Variants in RANBP2 observed in about 807,000 individuals in gnomAD.
RANBP2 encodes RAN binding protein 2.
RANBP2 carries 57 observed loss-of-function variants against 303.6 expected under a neutral mutation model. The ratio of observed to expected loss-of-function variants is 0.19; its 90% CI spans 0.15 to 0.23. The LOEUF (loss-of-function observed/expected upper bound fraction) is 0.23. RANBP2 is among the 10% of genes least tolerant of loss of function. The pLI is 1.00. For missense variants in RANBP2, 3,138 were observed against 3,780.8 expected, an observed-to-expected ratio of 0.83 and a Z score of 4.46; for synonymous variants, 1,167 against 1,301.5, an observed-to-expected ratio of 0.90 and a Z score of 2.23.
At chr2:108,749,315 A>C (rs1393809199) in intron 9 of RANBP2, among the ~76,000 whole-genome samples, 186 bp downstream of exon 9, 1 of 152,002 alleles carries the variant, frequency 6.6e-6, no homozygotes, top group East Asian at 1.9e-4. Flanking sequence ...TGTTGTTTTT[A>C]AGACCAAGTT....
the RANBP2 span, among the ~76,000 whole-genome samples, chr2:109,171,053 G>A: frequency 6.6e-6 from 1 of 152,110 alleles, no homozygotes; most frequent in Non-Finnish European, 1.5e-5. Context: ...TCTGTGTCCT[G>A]GTTTGGTTCA....
the RANBP2 span, among the ~76,000 whole-genome samples, chr2:109,280,847 G>A: frequency 6.6e-6 from 1 of 152,158 alleles, no homozygotes; most frequent in African/African-American, 2.4e-5. Context: ...TTTTATGTCC[G>A]TTGCACATTA....
the RANBP2 span, among the ~76,000 whole-genome samples, chr2:109,708,035 T>C: frequency 6.6e-6 from 1 of 152,148 alleles, no homozygotes; most frequent in African/African-American, 2.4e-5. Flanking sequence ...AGAAACCTAC[T>C]TGGCATCAGT....
At chr2:109,188,629 C>T in the RANBP2 span, among the ~76,000 whole-genome samples, 1 of 152,184 alleles carries the variant, frequency 6.6e-6, no homozygotes, top group Non-Finnish European at 1.5e-5. Context: ...AGGGTGCAGT[C>T]ATCCACCTGG....
the RANBP2 span, among the ~76,000 whole-genome samples, chr2:109,298,995 C>T: frequency 6.6e-6 from 1 of 152,352 alleles, no homozygotes; most frequent in Non-Finnish European, 1.5e-5. Flanking sequence ...TGCACCAACC[C>T]CCACCCACTG....
chr2:109,170,811 C>T, the RANBP2 span, among the ~76,000 whole-genome samples: 1 of 152,226 alleles, frequency 6.6e-6, no homozygotes, highest in Non-Finnish European at 1.5e-5. Context: ...TCCAGGTGCA[C>T]AGGGCATAGT....
the RANBP2 span, among the ~76,000 whole-genome samples, chr2:108,984,143 G>A: frequency 6.6e-6 from 1 of 152,068 alleles, no homozygotes; most frequent in Non-Finnish European, 1.5e-5. Flanking sequence ...ATGTGTTAAC[G>A]GCCAAGGGAG....
the RANBP2 span, among the ~76,000 whole-genome samples, chr2:109,145,336 G>C: frequency 6.6e-6 from 1 of 152,182 alleles, no homozygotes; most frequent in Non-Finnish European, 1.5e-5. Flanking sequence ...CTTCATGCCA[G>C]GTTTGCAGTC....
the RANBP2 span, among the ~76,000 whole-genome samples, chr2:109,246,801 G>A: frequency 5.1e-4 from 77 of 152,348 alleles, no homozygotes; most frequent in Non-Finnish European, 4.4e-5. Context: ...GAGTTGAACT[G>A]CAGTCGGATG....
the RANBP2 span, among the ~76,000 whole-genome samples, chr2:109,202,568 T>C: frequency 6.6e-6 from 1 of 152,220 alleles, no homozygotes; most frequent in Non-Finnish European, 1.5e-5. Flanking sequence ...CAGTCAGCAG[T>C]GATTATTCTT....
At chr2:109,334,998 G>A in the RANBP2 span, among the ~76,000 whole-genome samples, 5 of 152,374 alleles carry the variant, frequency 3.3e-5, no homozygotes, top group Middle Eastern at 3.4e-3. Context: ...CTCTGAGAAC[G>A]CGATTTATGT....
chr2:109,252,044 A>G, the RANBP2 span, among the ~76,000 whole-genome samples: 4 of 152,164 alleles, frequency 2.6e-5, no homozygotes, highest in African/African-American at 7.2e-5. Context: ...CTAAGGAGTT[A>G]GAGATCAGCC....
At chr2:109,553,192 T>C in the RANBP2 span, 2 of 1,614,176 alleles carry the variant, frequency 1.2e-6, no homozygotes, top group South Asian at 1.1e-5. Context: ...GGAACTCATG[T>C]CTTTTGGCTT....
chr2:109,723,661 A>G, the RANBP2 span, among the ~76,000 whole-genome samples: 1 of 152,132 alleles, frequency 6.6e-6, no homozygotes, highest in Admixed American at 6.6e-5. Flanking sequence ...GACTCTGGAC[A>G]TTAGACCTTT....
At chr2:109,142,457 C>A in the RANBP2 span, among the ~76,000 whole-genome samples, 2 of 152,212 alleles carry the variant, frequency 1.3e-5, no homozygotes, top group Non-Finnish European at 2.9e-5. Flanking sequence ...CATTCCCTGG[C>A]CCCCAGCACC....
chr2:109,343,983 A>AT, the RANBP2 span, among the ~76,000 whole-genome samples: 1 of 151,906 alleles, frequency 6.6e-6, no homozygotes, highest in African/African-American at 2.4e-5. Flanking sequence ...GCCTCAAGTG[A>AT]TTTTCCATCC....
the RANBP2 span, among the ~76,000 whole-genome samples, chr2:109,321,761 A>G: frequency 6.6e-6 from 1 of 152,232 alleles, no homozygotes; most frequent in African/African-American, 2.4e-5. Context: ...TCTACTTCCA[A>G]CTACTGTTAT....
Position 108,744,184 on chromosome 2 carries a change from A to G in RANBP2, c.976-2527A>G, listed in dbSNP as rs1158778276. On this transcript the variant is annotated intron_variant, in intron 7 of 28. Transcript: ENST00000283195. ...TTTGGGAGGCTGAGGCGGGCGGATC[A>G]CTTGAGGTCAGGAGTTTGAGACCAT... 4.6e-5 allele frequency among the ~76,000 whole-genome samples: 7 copies of G among 152,304 alleles called. No individual in the cohort carries two copies. The South Asian group carries it at 8.3e-4, about 18-fold the overall frequency.
At chr2:109,541,120 C>T in the RANBP2 span, among the ~76,000 whole-genome samples, 1 of 152,194 alleles carries the variant, frequency 6.6e-6, no homozygotes, top group Non-Finnish European at 1.5e-5. Flanking sequence ...GGAAGTTACA[C>T]ACATCACCAT....
Sources: gnomAD v4.1 joint callset for allele counts (sites outside exome capture counted in the v4.1 genomes callset) on GRCh38, gnomAD v4.1.1 for gene constraint, MANE v1.5 for transcripts, NCBI Gene and HGNC (gene_info 2026-07-23, HGNC 2026-07-21) for gene names.